SYT1: variants seen among roughly 807,000 people sequenced by gnomAD.
The protein encoded by SYT1 is synaptotagmin 1.
Under a neutral mutation model 44.8 loss-of-function variants are expected in SYT1, and 8 were observed. That is an observed-to-expected ratio of 0.18 (90% CI 0.10 to 0.32). The LOEUF (loss-of-function observed/expected upper bound fraction) is 0.32. SYT1 is among the 10% of genes least tolerant of loss of function. SYT1 has a pLI of 1.00. For synonymous variants in SYT1, 154 were observed against 188.8 expected (o/e 0.82, Z 1.51); for missense variants, 286 against 509.3 (o/e 0.56, Z 4.22).
At chr12:79,015,669 A>G (rs1871762125) in intron 2 of SYT1, among the ~76,000 whole-genome samples, 1 of 152,178 alleles carries the variant, frequency 6.6e-6, no homozygotes, top group Non-Finnish European at 1.5e-5. Context: ...AACGAATCCA[A>G]AATACCTAGT....
chr12:78,936,600 C>A (rs1474557944), intron 1 of SYT1, among the ~76,000 whole-genome samples: 1 of 152,024 alleles, frequency 6.6e-6, no homozygotes, highest in Non-Finnish European at 1.5e-5. Context: ...TTTATGTTCA[C>A]TAATTAAAAA....
chr12:79,040,710 C>A (rs1488276575), intron 2 of SYT1, among the ~76,000 whole-genome samples: 1 of 152,180 alleles, frequency 6.6e-6, no homozygotes, highest in African/African-American at 2.4e-5. Flanking sequence ...TGCCTATGTA[C>A]TGAATGGTAA....
At chr12:79,013,211 A>G (rs555097153) in intron 2 of SYT1, among the ~76,000 whole-genome samples, 2 of 151,986 alleles carry the variant, frequency 1.3e-5, no homozygotes, top group South Asian at 2.1e-4. Flanking sequence ...CCTTAACTAG[A>G]CTGAATGCAG....
At chr12:79,053,034 G>C (rs985919940) in intron 3 of SYT1, among the ~76,000 whole-genome samples, 1 of 152,126 alleles carries the variant, frequency 6.6e-6, no homozygotes, top group African/African-American at 2.4e-5. Context: ...TATAAATCAT[G>C]CTGCTATAAA....
chr12:79,041,574 G>A (rs1055548367), intron 2 of SYT1, among the ~76,000 whole-genome samples: 1 of 152,096 alleles, frequency 6.6e-6, no homozygotes, highest in African/African-American at 2.4e-5. Context: ...CTGCAAACAG[G>A]GACAGTTTGA....
rs542619316 is a variant in SYT1 at position 79,444,292 on chromosome 12, A to G, written c.1062+86A>G. 161 of 1,481,218 alleles carry G rather than the reference A, an allele frequency of 1.1e-4. No homozygotes were observed. The African/African-American group carries it at 2.0e-3, about 18-fold the overall frequency. The allele number at this position is 1,481,218 out of a possible 1,614,324, so 91.8% of individuals were successfully genotyped here. Reference sequence around the variant, plus strand: ...ATACACACAGACCTTGTAAGTTATCAGTGCACATGCCTTCATTAGAACTGC... The same window carrying G: ...ATACACACAGACCTTGTAAGTTATCGGTGCACATGCCTTCATTAGAACTGC... On this transcript the variant is annotated intron_variant, in intron 10 of 10. Transcript: ENST00000261205.
At chr12:79,348,182 T>C (rs1336757094) in intron 8 of SYT1, among the ~76,000 whole-genome samples, 1 of 152,190 alleles carries the variant, frequency 6.6e-6, no homozygotes, top group African/African-American at 2.4e-5. Flanking sequence ...TGTCCCATGA[T>C]CAGATTTCCA....
chr12:78,883,310 G>C (rs1367203196), intron 1 of SYT1, among the ~76,000 whole-genome samples: 1 of 151,556 alleles, frequency 6.6e-6, no homozygotes, highest in Non-Finnish European at 1.5e-5. Context: ...ATACTAAGTA[G>C]TACTTAAAAA....
chr12:79,286,110 A>T lies in SYT1; in HGVS notation c.351+139A>T, dbSNP rs1409861549. On this transcript the variant is annotated intron_variant, in intron 5 of 10. Transcript: ENST00000261205. ...GAGATGCTTTGCAAACCTTTCAGTCATTGTTCAAGATCCCAAAGCATAATG... is the reference window on the plus strand; with the variant it reads ...GAGATGCTTTGCAAACCTTTCAGTCTTTGTTCAAGATCCCAAAGCATAATG... The T allele has an allele frequency of 4.3e-6, 4 of 932,486 alleles. No individual in the cohort carries two copies. In the East Asian group the frequency reaches 1.1e-4, roughly 26 times the overall value. The allele number at this position is 932,486 out of a possible 1,614,324, so 57.8% of individuals were successfully genotyped here.
intron 3 of SYT1, among the ~76,000 whole-genome samples, chr12:79,116,942 G>C (rs186096397): frequency 6.6e-6 from 1 of 152,098 alleles, no homozygotes; most frequent in Admixed American, 6.5e-5. Context: ...TGAAATCCAC[G>C]AGCAGCTCTC....
intron 1 of SYT1, among the ~76,000 whole-genome samples, chr12:78,913,044 C>T (rs1178243918): frequency 6.6e-6 from 1 of 151,632 alleles, no homozygotes; most frequent in Non-Finnish European, 1.5e-5. Flanking sequence ...CTTAGATTAC[C>T]TAAATAGAAC....
At chr12:79,236,397 G>A (rs940722941) in intron 4 of SYT1, among the ~76,000 whole-genome samples, 3 of 151,910 alleles carry the variant, frequency 2.0e-5, no homozygotes, top group African/African-American at 7.3e-5. Context: ...CTACAGATAC[G>A]TGCTTCCATT....
At chr12:79,294,389 C>G (rs1879779700) in intron 6 of SYT1, among the ~76,000 whole-genome samples, 1 of 151,832 alleles carries the variant, frequency 6.6e-6, no homozygotes, top group Non-Finnish European at 1.5e-5. Context: ...AAAGTGATTC[C>G]TAAGAAGCAG....
chr12:79,135,103 C>T (rs1376105555), intron 3 of SYT1, among the ~76,000 whole-genome samples: 1 of 151,912 alleles, frequency 6.6e-6, no homozygotes, highest in East Asian at 1.9e-4. Flanking sequence ...AGTGCATATA[C>T]TTTTTTATTA....
In SYT1 at chr12:79,259,966, G is replaced by A. The variant is rs551620533; in HGVS notation, c.167-25821G>A. Among the ~76,000 whole-genome samples the A allele has an allele frequency of 1.2e-4, 19 of 152,210 alleles. 1 individual carries two copies. The South Asian group carries it at 3.9e-3, about 32-fold the overall frequency. ...CAGGCCTTGAATAAAGTCAAATACA[G>A]AACTCTTATGAAAAAATTCAGTGTA... is the stretch of plus-strand genomic sequence containing the variant. On this transcript the variant is annotated intron_variant, in intron 4 of 10. Transcript: ENST00000261205.
chr12:79,139,273 A>G (rs756951895), intron 3 of SYT1, among the ~76,000 whole-genome samples: 65 of 152,244 alleles, frequency 4.3e-4, no homozygotes, highest in Non-Finnish European at 4.1e-4. Flanking sequence ...GAAAGCAAGA[A>G]TGAGAGAGTA....
intron 3 of SYT1, among the ~76,000 whole-genome samples, chr12:79,185,295 C>T (rs762012149): frequency 6.6e-6 from 1 of 151,980 alleles, no homozygotes; most frequent in Non-Finnish European, 1.5e-5. Context: ...TTCACCTATC[C>T]ATTTGCATTT....
chr12:79,148,854 C>A (rs1191194022), intron 3 of SYT1, among the ~76,000 whole-genome samples: 1 of 152,092 alleles, frequency 6.6e-6, no homozygotes, highest in Non-Finnish European at 1.5e-5. Context: ...GATTGGCTTT[C>A]CTTATTAAAC....
At chr12:79,259,491 T>C (rs1245647054) in intron 4 of SYT1, among the ~76,000 whole-genome samples, 1 of 152,108 alleles carries the variant, frequency 6.6e-6, no homozygotes, top group African/African-American at 2.4e-5. Flanking sequence ...CCCAGCACTT[T>C]AGGAAGCAAA....
Sources: allele counts gnomAD v4.1 joint callset (sites outside exome capture counted in the v4.1 genomes callset), GRCh38; gene constraint gnomAD v4.1.1; transcripts MANE v1.5; gene names NCBI Gene and HGNC (gene_info 2026-07-23, HGNC 2026-07-21).